The following LDLRAD4 variants were observed in gnomAD, a reference collection of about 807,000 sequenced individuals.
The protein encoded by LDLRAD4 is low density lipoprotein receptor class A domain containing 4.
LDLRAD4 carries 5 observed loss-of-function variants against 17.0 expected under a neutral mutation model. The ratio of observed to expected loss-of-function variants is 0.29; its 90% CI spans 0.15 to 0.62. The LOEUF (loss-of-function observed/expected upper bound fraction) is 0.62, where lower values mean the gene tolerates loss of function less well. LDLRAD4 is among the 20% of genes least tolerant of loss of function. The pLI is 0.84. For synonymous variants in LDLRAD4, 168 were observed against 171.8 expected (o/e 0.98, Z 0.17); for missense variants, 340 against 424.7 (o/e 0.80, Z 1.75).
chr18:13,275,954 G>C (rs1349834067), upstream of LDLRAD4, among the ~76,000 whole-genome samples: 6 of 152,166 alleles, frequency 3.9e-5, no homozygotes, highest in African/African-American at 1.4e-4. Flanking sequence ...TATGCGTTTA[G>C]TATATGCATA....
chr18:13,390,602 A>G (rs1023884707), intron 2 of LDLRAD4, among the ~76,000 whole-genome samples: 1 of 152,038 alleles, frequency 6.6e-6, no homozygotes, highest in African/African-American at 2.4e-5. Flanking sequence ...GGGAGCTGGC[A>G]CCCAGCAGAG....
At chr18:13,619,515 CG>C (rs71366065) in intron 3 of LDLRAD4, among the ~76,000 whole-genome samples, 100 of 47,830 alleles carry the variant, frequency 2.1e-3, no homozygotes, top group African/African-American at 6.5e-3. Flanking sequence ...GGGGTGGGGC[CG>C]GGGGGGGGCG....
At chr18:13,564,398 G>T (rs936245682) in intron 3 of LDLRAD4, among the ~76,000 whole-genome samples, 3 of 11,514 alleles carry the variant, frequency 2.6e-4, no homozygotes, top group African/African-American at 3.6e-4. Flanking sequence ...CGCGTATACT[G>T]AAGCCATCCC....
chr18:13,231,633 T>C (rs1210145788), intron 1 of LDLRAD4, among the ~76,000 whole-genome samples: 2 of 152,234 alleles, frequency 1.3e-5, no homozygotes, highest in African/African-American at 4.8e-5. Context: ...AACGCTTACA[T>C]TTCATACTGC....
chr18:13,544,027 C>T (rs962542206), intron 3 of LDLRAD4, among the ~76,000 whole-genome samples: 1 of 152,258 alleles, frequency 6.6e-6, no homozygotes, highest in South Asian at 2.1e-4. Context: ...CACATGCATG[C>T]ACACAGTGTG....
chr18:13,323,194 C>T (rs1336648263), intron 1 of LDLRAD4, among the ~76,000 whole-genome samples: 1 of 152,238 alleles, frequency 6.6e-6, no homozygotes, highest in Non-Finnish European at 1.5e-5. Flanking sequence ...AGGTCTTTAT[C>T]CATTTCACTT....
chr18:13,377,309 G>C (rs2084991912), intron 1 of LDLRAD4, among the ~76,000 whole-genome samples: 2 of 152,152 alleles, frequency 1.3e-5, no homozygotes, highest in Non-Finnish European at 2.9e-5. Context: ...TCACCAACAT[G>C]AACTGACTAG....
At chr18:13,331,234 C>T (rs1473490687) in intron 1 of LDLRAD4, among the ~76,000 whole-genome samples, 1 of 152,134 alleles carries the variant, frequency 6.6e-6, no homozygotes, top group Non-Finnish European at 1.5e-5. Context: ...GATGCTGTCT[C>T]CAGGTAGGGA....
intron 3 of LDLRAD4, among the ~76,000 whole-genome samples, chr18:13,559,349 C>G (rs10853237): frequency 1.3e-4 from 19 of 151,948 alleles, no homozygotes; most frequent in Admixed American, 1.2e-3. Flanking sequence ...GAAGAGGGAA[C>G]CTGCCTTGAA....
chr18:13,542,107 G>A (rs547668306), intron 3 of LDLRAD4, among the ~76,000 whole-genome samples: 15 of 152,160 alleles, frequency 9.9e-5, no homozygotes, highest in South Asian at 2.1e-4. Context: ...CTCTACTCAA[G>A]TTCTACTTAT....
chr18:13,340,172 A>G (rs1209923434), intron 1 of LDLRAD4, among the ~76,000 whole-genome samples: 1 of 152,196 alleles, frequency 6.6e-6, no homozygotes, highest in South Asian at 2.1e-4. Context: ...TCATCCATTG[A>G]TGAACACTTG....
At chr18:13,487,394 G>GC (rs2093253058) in intron 3 of LDLRAD4, 2 of 152,376 alleles carry the variant, frequency 1.3e-5, no homozygotes, top group African/African-American at 4.8e-5. Flanking sequence ...GGGCCATGTG[G>GC]CCAGACCAGG....
intron 3 of LDLRAD4, among the ~76,000 whole-genome samples, chr18:13,478,444 G>A (rs989388007): frequency 4.6e-5 from 7 of 152,166 alleles, no homozygotes; most frequent in African/African-American, 1.7e-4. Context: ...TCTGTTCTTT[G>A]CCTAAAATCC....
chr18:13,285,145 G>A (rs1370986375), intron 1 of LDLRAD4, among the ~76,000 whole-genome samples: 1 of 152,244 alleles, frequency 6.6e-6, no homozygotes, highest in African/African-American at 2.4e-5. Flanking sequence ...GAAGCGAAAT[G>A]TGAAGGAGAC....
chr18:13,594,343 TG>T (rs774195925), intron 3 of LDLRAD4, among the ~76,000 whole-genome samples: 7 of 152,112 alleles, frequency 4.6e-5, no homozygotes, highest in Non-Finnish European at 1.0e-4. Flanking sequence ...CAGGCAATGT[TG>T]TTTGTGTATA....
rs1025751980 is a variant in LDLRAD4 at position 13,438,394 on chromosome 18, T to C, written c.181+10T>C. The C allele has an allele frequency of 6.2e-7, 1 of 1,612,586 alleles. No homozygotes were observed. Among genetic ancestry groups the C allele is most frequent in the African/African-American group, 1.3e-5 (1 of 74,896 alleles). On this transcript the variant is annotated intron_variant, in intron 3 of 5. Coordinates refer to ENST00000359446, the Ensembl canonical transcript of LDLRAD4. ...CCGGGCATCTTCAACTGTAAGTCTC[T>C]CCTCCCACCTGGGTGGCACTGTCTG... is the stretch of plus-strand genomic sequence containing the variant.
chr18:13,255,377 A>G (rs911238563), intron 1 of LDLRAD4, among the ~76,000 whole-genome samples: 2 of 152,152 alleles, frequency 1.3e-5, no homozygotes, highest in African/African-American at 2.4e-5. Flanking sequence ...GCAGGGAGTG[A>G]CCATATGGGT....
intron 1 of LDLRAD4, among the ~76,000 whole-genome samples, chr18:13,249,274 G>A (rs142127892): frequency 3.2e-3 from 490 of 152,298 alleles, no homozygotes; most frequent in African/African-American, 9.7e-3. Context: ...CGAGTAGCAG[G>A]ACTGCTGGAT....
At chr18:13,363,331 C>CAA (rs5742236) in intron 1 of LDLRAD4, among the ~76,000 whole-genome samples, 3 of 86,912 alleles carry the variant, frequency 3.5e-5, no homozygotes, top group African/African-American at 8.3e-5. Context: ...GACTCCGTCT[C>CAA]AAAAAAAAAA....
Sources: allele counts gnomAD v4.1 joint callset (sites outside exome capture counted in the v4.1 genomes callset), GRCh38; gene constraint gnomAD v4.1.1; transcripts MANE v1.5; gene names NCBI Gene and HGNC (gene_info 2026-07-23, HGNC 2026-07-21).